JCHAIN: variants seen among roughly 807,000 people sequenced by gnomAD.
JCHAIN encodes the protein joining chain of multimeric IgA and IgM, also known as immunoglobulin J chain.
JCHAIN carries 5 observed loss-of-function variants against 11.1 expected under a neutral mutation model. The observed-to-expected ratio is 0.45, with a 90% CI of 0.24 to 0.95. The LOEUF is 0.95. JCHAIN is among the 40% of genes least tolerant of loss of function. The pLI, the probability that JCHAIN is intolerant of heterozygous loss-of-function variation, is 0.21. For synonymous variants in JCHAIN, 51 were observed against 67.8 expected (o/e 0.75, Z 1.22); for missense variants, 165 against 192.7 (o/e 0.86, Z 0.85).
intron 2 of JCHAIN, among the ~76,000 whole-genome samples, chr4:70,660,488 A>G (rs1284641439): frequency 6.7e-6 from 1 of 149,466 alleles, no homozygotes; most frequent in Non-Finnish European, 1.5e-5. Flanking sequence ...GGTTCAAGTG[A>G]TTCTCCTGCT....
intron 1 of JCHAIN, among the ~76,000 whole-genome samples, chr4:70,665,308 G>A (rs140432686): frequency 3.3e-5 from 5 of 152,224 alleles, no homozygotes; most frequent in African/African-American, 1.2e-4. Flanking sequence ...TATGTCAGAA[G>A]TAATAATAGT....
chr4:70,656,852 G>A (rs1012662054), intron 3 of JCHAIN, among the ~76,000 whole-genome samples: 8 of 152,062 alleles, frequency 5.3e-5, no homozygotes, highest in Non-Finnish European at 1.2e-4. Flanking sequence ...TATTTATAGT[G>A]ACAAGAAAGG....
At position 70,659,549 on chromosome 4, in the gene JCHAIN, CAAAAAAA is replaced by C. The variant is rs35627461; in HGVS notation, c.189-2265_189-2259del. Among the ~76,000 whole-genome samples the C allele has an allele frequency of 6.6e-4, 11 of 16,548 alleles. 1 individual carries two copies. Among genetic ancestry groups the C allele is most frequent in the African/African-American group, 1.7e-3 (6 of 3,620 alleles). The allele number at this position is 16,548 out of a possible 152,430, so 10.9% of individuals were successfully genotyped here. ...TGGGCAACAGAGTGAGACTCTGTCT[CAAAAAAA>C]AAAAAAAAAAAAAAAAAAAAAAAAG... On this transcript the variant is annotated intron_variant, in intron 2 of 3. Coordinates refer to ENST00000254801, the MANE Select transcript of JCHAIN (RefSeq NM_144646.4).
At chr4:70,665,671 AT>A (rs1739137314) in intron 1 of JCHAIN, among the ~76,000 whole-genome samples, 1 of 151,956 alleles carries the variant, frequency 6.6e-6, no homozygotes, top group Non-Finnish European at 1.5e-5. Flanking sequence ...CTTTACTAAT[AT>A]TTTATATTTT....
chr4:70,661,997 G>A lies in JCHAIN; in HGVS notation c.188+95C>T, dbSNP rs16845348. ...GTAAAGTGCTACACAGCAAAAAGGGGAGTAAAGAGGCAGGTGTTACATTCA... is the reference window on the plus strand; with the variant it reads ...GTAAAGTGCTACACAGCAAAAAGGGAAGTAAAGAGGCAGGTGTTACATTCA... On this transcript the variant is annotated intron_variant, in intron 2 of 3. Coordinates refer to ENST00000254801, the MANE Select transcript of JCHAIN (RefSeq NM_144646.4). The A allele has an allele frequency of 6.9e-3, 8,170 of 1,184,720 alleles. 209 individuals carry two copies. The African/African-American group carries it at 0.074, about 11-fold the overall frequency. 73.4% of individuals were successfully genotyped at this position (1,184,720 alleles called of 1,614,324 possible).
intron 1 of JCHAIN, chr4:70,663,667 T>G (rs1345991259): frequency 1.3e-5 from 2 of 152,176 alleles, no homozygotes; most frequent in African/African-American, 4.8e-5. Flanking sequence ...TTCAAGTGAT[T>G]CTCCTGCCTC....
intron 2 of JCHAIN, among the ~76,000 whole-genome samples, chr4:70,658,220 AG>A (rs1258390928): frequency 1.3e-5 from 2 of 152,142 alleles, no homozygotes; most frequent in Admixed American, 1.3e-4. Flanking sequence ...GCCTTAATTC[AG>A]GACACCACTA....
chr4:70,658,277 T>A (rs1738993561), intron 2 of JCHAIN, among the ~76,000 whole-genome samples: 2 of 152,138 alleles, frequency 1.3e-5, no homozygotes, highest in Admixed American at 1.3e-4. Flanking sequence ...CTTGACCCCT[T>A]CAAACCACTG....
Position 70,656,068 on chromosome 4 carries a change from G to C in JCHAIN, c.*261C>G, listed in dbSNP as rs1041676119. On this transcript the variant is annotated 3_prime_UTR_variant, in exon 4 of 4. Coordinates refer to ENST00000254801, the MANE Select transcript of JCHAIN (RefSeq NM_144646.4). ...AATGCTAGAAACTGTATTCCTAAGA[G>C]AGCATACCTCTTTCAGGTGAGCATG... 2.6e-6 allele frequency: 1 copy of C among 387,596 alleles called. No individual in the cohort carries two copies. The highest frequency in any genetic ancestry group is 4.6e-6 in the Non-Finnish European group (1 of 215,880). The allele number at this position is 387,596 out of a possible 1,614,324, so 24.0% of individuals were successfully genotyped here. A position where few individuals can be genotyped will look rare whatever the true frequency, so the allele number is the denominator to read the frequency against.
chr4:70,662,022 A>C, intron 2 of JCHAIN, 70 bp downstream of exon 2: 3 of 1,478,956 alleles, frequency 2.0e-6, no homozygotes, highest in East Asian at 4.5e-5. Context: ...TGTTACATTC[A>C]AACAATGCTC....
At chr4:70,660,293 T>A (rs769646908) in intron 2 of JCHAIN, among the ~76,000 whole-genome samples, 1 of 151,280 alleles carries the variant, frequency 6.6e-6, no homozygotes, top group Non-Finnish European at 1.5e-5. Context: ...CTAAGAGGGG[T>A]GGGACAGAGT....
At position 70,656,395 on chromosome 4, in the gene JCHAIN, G is replaced by A. The variant is rs535962036; in HGVS notation, c.414C>T (p.Leu138=). The A allele has an allele frequency of 9.2e-5, 148 of 1,613,974 alleles. No individual in the cohort carries two copies. Among genetic ancestry groups the A allele is most frequent in the African/African-American group, 1.2e-4 (9 of 75,036 alleles). The change falls in exon 4 of 4, where the codon CTC becomes CTT. Residue 138 remains leucine (L), a synonymous_variant. Transcript: ENST00000254801. ...CCATTTTGGTCTCACCACCATATAC[G>A]AGTGGGACCACAGCTGTGTAGCACT... The part of the protein sequence containing the change: ...RNKCYTAVVP[L]VYGGETKMVE...
chr4:70,660,541 G>A (rs1465055305), intron 2 of JCHAIN, among the ~76,000 whole-genome samples: 3 of 151,948 alleles, frequency 2.0e-5, no homozygotes, highest in Non-Finnish European at 2.9e-5. Flanking sequence ...CTGCCACCAC[G>A]CCCGGATAAT....
chr4:70,656,580 C>T, intron 3 of JCHAIN, 41 bp from the exon 4 acceptor site: 2 of 1,467,014 alleles, frequency 1.4e-6, no homozygotes, highest in Non-Finnish European at 1.9e-6. Flanking sequence ...CCCTCAAATG[C>T]TGTCTCAAAA....
In JCHAIN at chr4:70,660,962, A is replaced by G. The variant is rs148938438; in HGVS notation, c.188+1130T>C. Reference sequence around the variant, plus strand: ...TATTTTTACAATAATCCTATGAGTTAAGCATGATTTTTTTCCTCATTTAAA... The same window carrying G: ...TATTTTTACAATAATCCTATGAGTTGAGCATGATTTTTTTCCTCATTTAAA... On this transcript the variant is annotated intron_variant, in intron 2 of 3. Coordinates refer to ENST00000254801, the MANE Select transcript of JCHAIN (RefSeq NM_144646.4). Among the ~76,000 whole-genome samples the G allele has an allele frequency of 7.8e-3, 1,192 of 152,340 alleles. 18 individuals are homozygous for G. Among genetic ancestry groups the G allele is most frequent in the African/African-American group, 0.027 (1,129 of 41,568 alleles).
At chr4:70,658,671 C>A (rs57598248) in intron 2 of JCHAIN, among the ~76,000 whole-genome samples, 4,072 of 152,216 alleles carry the variant, frequency 0.027, 92 homozygotes, top group African/African-American at 0.064. Context: ...TTAATTCTCT[C>A]ACTCCCCACA....
Position 70,655,967 on chromosome 4 carries a change from G to GA in JCHAIN, c.*361dup, listed in dbSNP as rs1419860116. The GA allele has an allele frequency of 6.3e-6, 1 of 157,526 alleles. No homozygotes were observed. Among genetic ancestry groups the GA allele is most frequent in the African/African-American group, 2.4e-5 (1 of 41,214 alleles). 9.8% of individuals were successfully genotyped at this position (157,526 alleles called of 1,614,324 possible). ...CAAAAAAAAAAAAAAAAGCGGGGGG[G>GA]AATGCGAGGAACATTTTATTACACC... is the stretch of plus-strand genomic sequence containing the variant. On this transcript the variant is annotated 3_prime_UTR_variant, in exon 4 of 4. Coordinates refer to ENST00000254801, the MANE Select transcript of JCHAIN (RefSeq NM_144646.4).
In JCHAIN at chr4:70,656,180, T is replaced by C; in HGVS notation, c.*149A>G. ...AAGATAACAATGTGACTATTTTAAT[T>C]ATTTTGGTGGCAGGGAGTTGGTTTT... On this transcript the variant is annotated 3_prime_UTR_variant, in exon 4 of 4. Coordinates refer to ENST00000254801, the MANE Select transcript of JCHAIN (RefSeq NM_144646.4). 2 of 610,674 alleles carry C rather than the reference T, an allele frequency of 3.3e-6. No individual in the cohort carries two copies. Among genetic ancestry groups the C allele is most frequent in the Non-Finnish European group, 5.9e-6 (2 of 338,778 alleles). The allele number at this position is 610,674 out of a possible 1,614,324, so 37.8% of individuals were successfully genotyped here.
chr4:70,657,246 T>C lies in JCHAIN; in HGVS notation c.234A>G (p.Pro78=), dbSNP rs1478343735. 3 of 1,605,748 alleles carry C rather than the reference T, an allele frequency of 1.9e-6. No homozygotes were observed. The highest frequency in any genetic ancestry group is 4.5e-5 in the East Asian group (2 of 44,706). The change falls in exon 3 of 4, where the codon CCA becomes CCG. Residue 78 remains proline (P), a synonymous_variant. Coordinates refer to ENST00000254801, the MANE Select transcript of JCHAIN (RefSeq NM_144646.4). ...NRENISDPTS[P]LRTRFVYHLS... ...AATGGTACACAAATCTGGTTCTCAA[T>C]GGTGAGGTGGGATCAGAGATATTCT...
Sources: gnomAD v4.1 joint callset for allele counts (sites outside exome capture counted in the v4.1 genomes callset) on GRCh38, gnomAD v4.1.1 for gene constraint, MANE v1.5 for transcripts, NCBI Gene and HGNC (gene_info 2026-07-23, HGNC 2026-07-21) for gene names.